The following BRI3BP variants were observed in gnomAD, a reference collection of about 807,000 sequenced individuals.
BRI3BP encodes the protein BRI3 binding protein, also known as BRI3-binding protein.
BRI3BP carries 7 observed loss-of-function variants against 15.8 expected under a neutral mutation model. The ratio of observed to expected loss-of-function variants is 0.44; its 90% CI spans 0.25 to 0.83. The LOEUF (loss-of-function observed/expected upper bound fraction) is 0.83. Among genes scored for constraint, BRI3BP ranks in the 40% least tolerant of loss-of-function variants. The pLI is 0.20. For synonymous variants in BRI3BP, 192 were observed against 163.5 expected, an observed-to-expected ratio of 1.17 and a Z score of -1.33; for missense variants, 320 against 339.3, an observed-to-expected ratio of 0.94 and a Z score of 0.45.
chr12:125,003,505 C>T (rs1565902498), intron 1 of BRI3BP, among the ~76,000 whole-genome samples: 1 of 152,170 alleles, frequency 6.6e-6, no homozygotes, highest in Non-Finnish European at 1.5e-5. Flanking sequence ...CAGGTCTTCC[C>T]ATGTAGCAAC....
At chr12:125,007,147 C>T (rs554385790) in intron 1 of BRI3BP, among the ~76,000 whole-genome samples, 89 of 151,640 alleles carry the variant, frequency 5.9e-4, no homozygotes, top group East Asian at 1.8e-3. Flanking sequence ...TGCAGTGAGC[C>T]GAGGTCGCAC....
At chr12:125,040,634 C>T in the BRI3BP span, among the ~76,000 whole-genome samples, 8 of 151,982 alleles carry the variant, frequency 5.3e-5, no homozygotes, top group Non-Finnish European at 8.8e-5. Context: ...TGAGCCACTG[C>T]GCCCCACCTC....
chr12:125,012,629 A>G lies in BRI3BP; in HGVS notation c.309A>G (p.Gly103=), dbSNP rs760303792. Residue 103 remains glycine (G), a synonymous_variant, in exon 2 of 3, where the codon GGA becomes GGG. Transcript: ENST00000341446. ...KVWTELLDVL[G]LDVSNLSQYF... ...GGACCGAGCTCTTGGATGTTCTTGG[A>G]CTTGACGGTAGGTGTAGGGGTGGCA... is the stretch of plus-strand genomic sequence containing the variant. 67 of 1,601,124 alleles carry G rather than the reference A, an allele frequency of 4.2e-5. 3 individuals carry two copies. In the South Asian group the frequency reaches 7.4e-4, roughly 18 times the overall value.
intron 1 of BRI3BP, among the ~76,000 whole-genome samples, chr12:124,995,114 T>C (rs1420991763): frequency 6.6e-6 from 1 of 152,204 alleles, no homozygotes; most frequent in Non-Finnish European, 1.5e-5. Context: ...ATGTTCTTAC[T>C]GGATAACATG....
intron 2 of BRI3BP, among the ~76,000 whole-genome samples, chr12:125,016,961 A>G (rs1033830215): frequency 6.1e-5 from 9 of 146,744 alleles, no homozygotes; most frequent in Admixed American, 4.9e-4. Context: ...TCAGCTTCCC[A>G]ACTAGCTGGG....
chr12:125,021,693 C>T (rs1240935214), intron 2 of BRI3BP, among the ~76,000 whole-genome samples: 1 of 152,182 alleles, frequency 6.6e-6, no homozygotes, highest in African/African-American at 2.4e-5. Flanking sequence ...GCACGTCTTA[C>T]GTGGTGGCAG....
At chr12:125,009,303 T>C (rs925241067) in intron 1 of BRI3BP, among the ~76,000 whole-genome samples, 2 of 143,710 alleles carry the variant, frequency 1.4e-5, no homozygotes, top group African/African-American at 5.2e-5. Context: ...TTTTTTTTTT[T>C]TTTTGAGATG....
intron 2 of BRI3BP, among the ~76,000 whole-genome samples, chr12:125,020,214 G>T (rs1416493539): frequency 1.3e-5 from 2 of 152,076 alleles, no homozygotes; most frequent in African/African-American, 2.4e-5. Flanking sequence ...CCAAAGAGCT[G>T]GGATTACAGG....
the BRI3BP span, among the ~76,000 whole-genome samples, chr12:125,050,584 C>G: frequency 6.6e-6 from 1 of 152,378 alleles, no homozygotes; most frequent in African/African-American, 2.4e-5. Context: ...AGCTGCTGCT[C>G]TGTGCCCTGC....
the BRI3BP span, among the ~76,000 whole-genome samples, chr12:125,041,859 A>G: frequency 2.0e-5 from 3 of 152,092 alleles, no homozygotes; most frequent in Non-Finnish European, 4.4e-5. Flanking sequence ...CACCTGGCTA[A>G]TGTTTTAACT....
intron 1 of BRI3BP, among the ~76,000 whole-genome samples, chr12:124,994,356 C>T (rs1055976728): frequency 3.3e-5 from 5 of 152,182 alleles, no homozygotes; most frequent in Non-Finnish European, 2.9e-5. Context: ...AGCCAGGCAG[C>T]ACACTGGCGC....
downstream of BRI3BP, among the ~76,000 whole-genome samples, chr12:125,033,666 G>C (rs898163122): frequency 2.0e-5 from 3 of 151,872 alleles, no homozygotes; most frequent in African/African-American, 7.3e-5. Flanking sequence ...AATCCATTGA[G>C]ACCTGCCCCA....
chr12:125,007,892 G>A (rs1299273414), intron 1 of BRI3BP, among the ~76,000 whole-genome samples: 10 of 152,084 alleles, frequency 6.6e-5, no homozygotes, highest in East Asian at 1.9e-4. Context: ...CATTGTGCAC[G>A]TATGTCTGGC....
At chr12:125,050,349 CAA>C in the BRI3BP span, among the ~76,000 whole-genome samples, 4 of 86,716 alleles carry the variant, frequency 4.6e-5, no homozygotes, top group Admixed American at 1.3e-4. Flanking sequence ...GACTCCGTCT[CAA>C]AAAAAAAAAA....
chr12:125,047,418 C>A, the BRI3BP span, among the ~76,000 whole-genome samples: 2,220 of 152,186 alleles, frequency 0.015, 47 homozygotes, highest in African/African-American at 0.051. Flanking sequence ...TGTGATCCAC[C>A]CGCCTCCGCC....
the BRI3BP span, among the ~76,000 whole-genome samples, chr12:125,044,221 T>A: frequency 6.6e-6 from 1 of 151,970 alleles, no homozygotes; most frequent in Non-Finnish European, 1.5e-5. Flanking sequence ...GGCGCGATCT[T>A]GGCTCACTGC....
At chr12:125,011,625 T>C (rs1272813052) in intron 1 of BRI3BP, among the ~76,000 whole-genome samples, 2 of 152,138 alleles carry the variant, frequency 1.3e-5, no homozygotes, top group Admixed American at 1.3e-4. Flanking sequence ...CGGAGGGGGA[T>C]TCCAGTTGCC....
At chr12:125,047,639 G>C in the BRI3BP span, among the ~76,000 whole-genome samples, 1 of 152,018 alleles carries the variant, frequency 6.6e-6, no homozygotes, top group Admixed American at 6.6e-5. Context: ...GCCTCTTTAA[G>C]TGCTGGGATT....
chr12:124,993,930 G>T lies in BRI3BP; in HGVS notation c.140G>T (p.Arg47Leu). 7.4e-7 allele frequency: 1 copy of T among 1,349,122 alleles called. No individual in the cohort carries two copies. 83.6% of individuals were successfully genotyped at this position (1,349,122 alleles called of 1,614,324 possible). Reference protein sequence around the residue: ...GRGGAEKNSYRRTVNTFSQSV... With the variant: ...GRGGAEKNSYLRTVNTFSQSV... ...GGCGGCGCGGAGAAGAACAGCTACC[G>T]CCGCACGGTCAACACCTTCTCCCAG... is the stretch of plus-strand genomic sequence containing the variant. Residue 47 changes from arginine (R) to leucine (L), a missense_variant, in exon 1 of 3, where the codon CGC (arginine) becomes CTC (leucine). By Grantham distance (102) the Arg-to-Leu change is moderately radical. Coordinates refer to ENST00000341446, the MANE Select transcript of BRI3BP (RefSeq NM_080626.6).
Sources: gnomAD v4.1 joint callset for allele counts (sites outside exome capture counted in the v4.1 genomes callset) on GRCh38, gnomAD v4.1.1 for gene constraint, MANE v1.5 for transcripts, NCBI Gene and HGNC (gene_info 2026-07-23, HGNC 2026-07-21) for gene names.